The following CFAP20DC variants were observed in gnomAD, a reference collection of about 807,000 sequenced individuals.
CFAP20DC encodes the protein CFAP20 domain containing, also known as protein CFAP20DC.
A neutral mutation model predicts 101.7 loss-of-function variants in CFAP20DC; 84 were observed. That is an observed-to-expected ratio of 0.83 (90% CI 0.69 to 0.99). The LOEUF (loss-of-function observed/expected upper bound fraction) is 0.99. CFAP20DC is among the 50% of genes least tolerant of loss of function. The probability of loss-of-function intolerance (pLI) is 0.00; values close to 1 mark genes in which losing one functional copy is unlikely to be tolerated. For missense variants in CFAP20DC, 1,007 were observed against 970.3 expected, an observed-to-expected ratio of 1.04 and a Z score of -0.50; for synonymous variants, 359 against 351.2, an observed-to-expected ratio of 1.02 and a Z score of -0.25.
rs540048212 is a variant in CFAP20DC at position 58,817,898 on chromosome 3, G to A, written c.2176-11442C>T. Among the ~76,000 whole-genome samples the A allele has an allele frequency of 4.9e-3, 743 of 150,592 alleles. 1 individual carries two copies. Among genetic ancestry groups the A allele is most frequent in the Non-Finnish European group, 8.2e-3 (551 of 67,398 alleles). ...TTAAGGGCAGCCAGAGAGAAAGGTCGGGTTACCCTCAAAGGGAAGCCCATC... is the reference window on the plus strand; with the variant it reads ...TTAAGGGCAGCCAGAGAGAAAGGTCAGGTTACCCTCAAAGGGAAGCCCATC... On this transcript the variant is annotated intron_variant, in intron 14 of 16. Coordinates refer to ENST00000482387, the MANE Select transcript of CFAP20DC (RefSeq NM_001394063.1).
At chr3:58,871,873 A>G (rs554140315) in intron 7 of CFAP20DC, among the ~76,000 whole-genome samples, 1 of 152,148 alleles carries the variant, frequency 6.6e-6, no homozygotes, top group East Asian at 1.9e-4. Flanking sequence ...AGTTTCAGCC[A>G]TTTCCTGGCC....
At chr3:59,042,408 C>T (rs185713201) in intron 3 of CFAP20DC, among the ~76,000 whole-genome samples, 1 of 151,340 alleles carries the variant, frequency 6.6e-6, no homozygotes, top group East Asian at 2.0e-4. Context: ...TTCATTTATT[C>T]GACAAAGATT....
chr3:58,858,014 T>C (rs1441454658), intron 12 of CFAP20DC, among the ~76,000 whole-genome samples: 1 of 152,190 alleles, frequency 6.6e-6, no homozygotes, highest in Non-Finnish European at 1.5e-5. Context: ...TATCATGACC[T>C]GGTTGAAAAA....
Position 58,742,333 on chromosome 3 carries a change from T to C in CFAP20DC, c.*127A>G, listed in dbSNP as rs575376261. ...GTTGAACATTATTTACAAAATGAAT[T>C]CGTTTCTCTCAGTTACTGTTGATTT... On this transcript the variant is annotated 3_prime_UTR_variant, in exon 17 of 17. Transcript: ENST00000482387. The C allele has an allele frequency of 6.3e-6, 8 of 1,277,434 alleles. No homozygotes were observed. Among genetic ancestry groups the C allele is most frequent in the Non-Finnish European group, 8.0e-6 (8 of 1,004,358 alleles). The allele number at this position is 1,277,434 out of a possible 1,614,324, so 79.1% of individuals were successfully genotyped here.
chr3:58,926,344 C>T (rs977740136), intron 5 of CFAP20DC, among the ~76,000 whole-genome samples: 7 of 149,988 alleles, frequency 4.7e-5, no homozygotes, highest in African/African-American at 1.2e-4. Context: ...CCAGCCTGGG[C>T]GACAGAGTGC....
intron 13 of CFAP20DC, among the ~76,000 whole-genome samples, chr3:58,845,338 C>A (rs964539454): frequency 6.6e-6 from 1 of 152,006 alleles, no homozygotes; most frequent in Admixed American, 6.5e-5. Context: ...GATATCACCA[C>A]CGATCCCACA....
intron 14 of CFAP20DC, among the ~76,000 whole-genome samples, chr3:58,819,431 T>C (rs763026878): frequency 0.035 from 5,309 of 150,776 alleles, 137 homozygotes; most frequent in Admixed American, 0.068. Flanking sequence ...AAGAATCAAA[T>C]AGACACAATA....
rs2067592272 is a variant in CFAP20DC, at chr3:58,728,708, A to G, written c.198-11080T>C. Among the ~76,000 whole-genome samples, 1 of 152,218 alleles carries G rather than the reference A, an allele frequency of 6.6e-6. No homozygotes were observed. Among genetic ancestry groups the G allele is most frequent in the African/African-American group, 2.4e-5 (1 of 41,460 alleles). ...GCTTTGGTAAATGCATGAACTCTACACACCGTATTGGAGAGAACTGACATT... is the reference window on the plus strand; with the variant it reads ...GCTTTGGTAAATGCATGAACTCTACGCACCGTATTGGAGAGAACTGACATT... On this transcript the variant is annotated intron_variant, in intron 3 of 3. Transcript: ENST00000486145. The surrounding 1 kb of genome is among the most constrained non-coding windows in gnomAD (Gnocchi z 4.7).
intron 16 of CFAP20DC, among the ~76,000 whole-genome samples, chr3:58,747,119 T>C (rs1436299950): frequency 6.6e-6 from 1 of 152,212 alleles, no homozygotes; most frequent in Non-Finnish European, 1.5e-5. Flanking sequence ...TTTCTGCTAC[T>C]AGACTAAGAG....
Position 58,899,824 on chromosome 3 carries a change from A to G in CFAP20DC, c.550+13884T>C, listed in dbSNP as rs1268292939. Among the ~76,000 whole-genome samples, 1 of 152,158 alleles carries G rather than the reference A, an allele frequency of 6.6e-6. No homozygotes were observed. The stretch of plus-strand genomic sequence containing the variant: ...AGCTGTTTGCCTAGTCAGTAATGTG[A>G]GAACCTGGATATTTCAGCTGAGGGT... On this transcript the variant is annotated intron_variant, in intron 6 of 16. Transcript: ENST00000482387. The surrounding 1 kb of genome is among the most constrained non-coding windows in gnomAD (Gnocchi z 5.0).
chr3:59,009,750 C>A (rs2093537686), intron 4 of CFAP20DC, among the ~76,000 whole-genome samples: 1 of 152,230 alleles, frequency 6.6e-6, no homozygotes, highest in Non-Finnish European at 1.5e-5. Context: ...GCACAAAGAT[C>A]ATCACCTAGG....
intron 6 of CFAP20DC, among the ~76,000 whole-genome samples, chr3:58,886,742 T>C (rs2081663825): frequency 6.6e-6 from 1 of 151,758 alleles, no homozygotes; most frequent in Non-Finnish European, 1.5e-5. Context: ...GAAAAAAAAG[T>C]GTGAATGGCA....
intron 16 of CFAP20DC, among the ~76,000 whole-genome samples, chr3:58,753,433 T>C (rs1389024979): frequency 1.3e-5 from 2 of 152,198 alleles, no homozygotes; most frequent in African/African-American, 4.8e-5. Flanking sequence ...TTTATAGATG[T>C]AGTAATCAAA....
chr3:58,994,402 G>A (rs1476784221), intron 4 of CFAP20DC, among the ~76,000 whole-genome samples: 1 of 152,050 alleles, frequency 6.6e-6, no homozygotes, highest in Non-Finnish European at 1.5e-5. Flanking sequence ...ATTCTGGTAA[G>A]AATTCTATGA....
At position 58,814,913 on chromosome 3, in the gene CFAP20DC, G is replaced by A. The variant is rs1456925589; in HGVS notation, c.2176-8457C>T. On this transcript the variant is annotated intron_variant, in intron 14 of 16. Transcript: ENST00000482387. ...CTCATGGGTAGGAAGAATCAATATCGTGAAAATGGCCATACTGCCCAAGGT... is the reference window on the plus strand; with the variant it reads ...CTCATGGGTAGGAAGAATCAATATCATGAAAATGGCCATACTGCCCAAGGT... 6.1e-4 allele frequency among the ~76,000 whole-genome samples: 91 copies of A among 150,282 alleles called. No individual in the cohort carries two copies. The Middle Eastern group carries it at 0.01, about 17-fold the overall frequency.
intron 16 of CFAP20DC, among the ~76,000 whole-genome samples, chr3:58,751,389 C>G (rs904519885): frequency 2.0e-5 from 3 of 152,070 alleles, no homozygotes; most frequent in Non-Finnish European, 4.4e-5. Context: ...ATACCCAGGC[C>G]CGGCAGTTCC....
intron 7 of CFAP20DC, among the ~76,000 whole-genome samples, chr3:58,881,691 C>A (rs2081239548): frequency 6.6e-6 from 1 of 152,118 alleles, no homozygotes; most frequent in Non-Finnish European, 1.5e-5. Flanking sequence ...TCAATATGTG[C>A]ATTCATAATA....
intron 4 of CFAP20DC, among the ~76,000 whole-genome samples, chr3:58,961,668 A>G (rs952792545): frequency 3.9e-5 from 6 of 152,152 alleles, no homozygotes; most frequent in African/African-American, 1.4e-4. Context: ...TCTTGGTGGG[A>G]AGATTTTTAA....
chr3:58,892,770 A>G lies in CFAP20DC; in HGVS notation c.551-8061T>C, dbSNP rs1185796968. On this transcript the variant is annotated intron_variant, in intron 6 of 16. Coordinates refer to ENST00000482387, the MANE Select transcript of CFAP20DC (RefSeq NM_001394063.1). The surrounding 1 kb of genome is among the most constrained non-coding windows in gnomAD (Gnocchi z 4.0). ...GGTTTTCTAGATATAGGATCATGTCATCTGCAAAAAGGTAATTTGACTTCC... is the reference window on the plus strand; with the variant it reads ...GGTTTTCTAGATATAGGATCATGTCGTCTGCAAAAAGGTAATTTGACTTCC... Among the ~76,000 whole-genome samples, 1 of 152,224 alleles carries G rather than the reference A, an allele frequency of 6.6e-6. No homozygotes were observed. The highest frequency in any genetic ancestry group is 1.9e-4 in the East Asian group (1 of 5,192).
Sources: gnomAD v4.1 joint callset for allele counts (sites outside exome capture counted in the v4.1 genomes callset) on GRCh38, gnomAD v4.1.1 for gene constraint, Gnocchi (gnomAD v3.1) non-coding constraint, MANE v1.5 for transcripts, NCBI Gene and HGNC (gene_info 2026-07-23, HGNC 2026-07-21) for gene names.